Variants in ACP2 observed in about 807,000 individuals in gnomAD.
ACP2 encodes the protein acid phosphatase 2, lysosomal, also known as lysosomal acid phosphatase.
A neutral mutation model predicts 54.7 loss-of-function variants in ACP2; 35 were observed. That is an observed-to-expected ratio of 0.64 (90% confidence interval 0.49 to 0.85). The LOEUF (loss-of-function observed/expected upper bound fraction) is 0.85, where lower values mean the gene tolerates loss of function less well. Ranked by LOEUF, ACP2 falls within the 40% of genes least tolerant of loss-of-function variation. ACP2 has a pLI of 0.00. For missense variants in ACP2, 492 were observed against 565.0 expected (o/e 0.87, Z 1.31); for synonymous variants, 210 against 224.4 (o/e 0.94, Z 0.57).
chr11:47,239,991 C>G lies in ACP2; in HGVS notation c.*125G>C. 1 of 1,016,352 alleles carries G rather than the reference C, an allele frequency of 9.8e-7. No homozygotes were observed. Among genetic ancestry groups the G allele is most frequent in the Non-Finnish European group, 1.4e-6 (1 of 694,906 alleles). 63.0% of individuals were successfully genotyped at this position (1,016,352 alleles called of 1,614,324 possible). A position where few individuals can be genotyped will look rare whatever the true frequency, so the allele number is the denominator to read the frequency against. ...CGCTGAGCCCCACTCGCTCATCTGG[C>G]TGGGGTCATCAGAGGGAGGCCCAAC... On this transcript the variant is annotated 3_prime_UTR_variant, in exon 11 of 11. Coordinates refer to ENST00000672073, the MANE Select transcript of ACP2 (RefSeq NM_001610.4).
chr11:47,242,032 G>C (rs940917058), intron 10 of ACP2, among the ~76,000 whole-genome samples: 3 of 152,200 alleles, frequency 2.0e-5, no homozygotes, highest in African/African-American at 7.2e-5. Flanking sequence ...CTCCAGGGAT[G>C]AGTCCTGGGT....
At chr11:47,247,786 T>C (rs1954240305) in intron 2 of ACP2, 59 bp from the exon 3 acceptor site, 2 of 1,543,642 alleles carry the variant, frequency 1.3e-6, no homozygotes, top group South Asian at 1.1e-5. Context: ...TCAAGCCCCA[T>C]GGGGTTTAGG....
rs547794673 is a variant in ACP2, at chr11:47,243,467, A to G, written c.773-146T>C. ...TTAGTGTCATAGGGACCATGTAAGA[A>G]CTCTGTGGCACCCCTCCTCTCTAAG... is the stretch of plus-strand genomic sequence containing the variant. On this transcript the variant is annotated intron_variant, in intron 7 of 10. Transcript: ENST00000672073. 3.6e-4 allele frequency: 226 copies of G among 629,336 alleles called. 4 individuals are homozygous for G. The South Asian group carries it at 4.4e-3, about 12-fold the overall frequency. The allele number at this position is 629,336 out of a possible 1,614,324, so 39.0% of individuals were successfully genotyped here.
At chr11:47,243,184 A>G (rs938945319) in intron 8 of ACP2, 55 bp downstream of exon 8, 10 of 1,613,466 alleles carry the variant, frequency 6.2e-6, no homozygotes, top group South Asian at 1.1e-5. Flanking sequence ...AACCGAACAG[A>G]GAAGAAATCC....
intron 3 of ACP2, chr11:47,247,287 A>T: frequency 3.2e-6 from 1 of 308,926 alleles, no homozygotes. Context: ...GACAGAGATC[A>T]TATCTGTATG....
At chr11:47,240,786 A>C (rs1591008644) in intron 10 of ACP2, among the ~76,000 whole-genome samples, 1 of 151,134 alleles carries the variant, frequency 6.6e-6, no homozygotes, top group African/African-American at 2.4e-5. Flanking sequence ...ACGCCACTGC[A>C]CTCCAGCCTG....
chr11:47,240,346 C>CA, intron 10 of ACP2, 97 bp from the exon 11 acceptor site: 1 of 673,764 alleles, frequency 1.5e-6, no homozygotes, highest in African/African-American at 1.8e-5. Context: ...GTGGCCAAGA[C>CA]AGAGTCCCTG....
At chr11:47,240,612 G>C (rs1953848529) in intron 10 of ACP2, among the ~76,000 whole-genome samples, 1 of 152,210 alleles carries the variant, frequency 6.6e-6, no homozygotes, top group Non-Finnish European at 1.5e-5. Context: ...CTGAGGTCAA[G>C]AGTTTGAGAC....
Position 47,243,243 on chromosome 11 carries a change from G to A in ACP2, c.851C>T (p.Ser284Phe). 1.9e-6 allele frequency: 3 copies of A among 1,614,248 alleles called. No individual in the cohort carries two copies. The highest frequency in any genetic ancestry group is 2.5e-6 in the Non-Finnish European group (3 of 1,180,040). The change falls in exon 8 of 11, where the codon TCT (serine) becomes TTT (phenylalanine). Residue 284 changes from serine (S) to phenylalanine (F), a missense_variant. Coordinates refer to ENST00000672073, the MANE Select transcript of ACP2 (RefSeq NM_001610.4). ...CTAGGGAGCGCAGGCACTCACCGCA[G>A]AGTAAACCAGCAGCTTGGGGAGCTG... ...TSQLPKLLVYSAHDTTLVALQ... is the reference protein window; with the variant it reads ...TSQLPKLLVYFAHDTTLVALQ...
chr11:47,244,221 G>T (rs1953971153), intron 7 of ACP2, among the ~76,000 whole-genome samples: 1 of 152,076 alleles, frequency 6.6e-6, no homozygotes, highest in Non-Finnish European at 1.5e-5. Flanking sequence ...CTGAGGTCAG[G>T]AGTTCAAGAC....
chr11:47,245,432 G>A, intron 5 of ACP2, 38 bp from the exon 6 acceptor site: 1 of 1,614,204 alleles, frequency 6.2e-7, no homozygotes. Flanking sequence ...CCTGCTCTGG[G>A]GAAAAGACAG....
rs1178096148 is a variant in ACP2, at chr11:47,243,275, G to T, written c.819C>A (p.Thr273=). Residue 273 remains threonine, a synonymous_variant, in exon 8 of 11, where the codon ACC becomes ACA. Coordinates refer to ENST00000672073, the MANE Select transcript of ACP2 (RefSeq NM_001610.4). ...QIRKNLTLMA[T]TSQLPKLLVY... is the part of the protein sequence containing the mutation. ...CCAGCAGCTTGGGGAGCTGGGAGGT[G>T]GTCGCCATTAGGGTCAGGTTCTTCC... is the stretch of plus-strand genomic sequence containing the variant. 1 of 1,614,224 alleles carries T rather than the reference G, an allele frequency of 6.2e-7. No individual in the cohort carries two copies. The highest frequency in any genetic ancestry group is 2.2e-5 in the East Asian group (1 of 44,884).
At chr11:47,243,389 G>A (rs1485236289) in intron 7 of ACP2, 68 bp from the exon 8 acceptor site, 8 of 1,382,890 alleles carry the variant, frequency 5.8e-6, no homozygotes, top group Non-Finnish European at 8.1e-6. Context: ...ACCTATCTGT[G>A]CTCCTTTCAC....
chr11:47,245,182 G>A (rs770561560), intron 6 of ACP2, 123 bp downstream of exon 6: 32 of 1,128,492 alleles, frequency 2.8e-5, no homozygotes, highest in Non-Finnish European at 1.3e-5. Context: ...TGTTTCACAA[G>A]CACAGCCTCC....
intron 10 of ACP2, among the ~76,000 whole-genome samples, chr11:47,240,999 G>A (rs1953861464): frequency 6.6e-6 from 1 of 152,142 alleles, no homozygotes; most frequent in South Asian, 2.1e-4. Flanking sequence ...GGAGACGAAG[G>A]GCAAAAGGCC....
intron 7 of ACP2, among the ~76,000 whole-genome samples, chr11:47,244,204 G>A (rs1210033450): frequency 6.6e-6 from 1 of 150,902 alleles, no homozygotes; most frequent in East Asian, 2.0e-4. Flanking sequence ...CAAGGTGGGT[G>A]GATCACCTGA....
In ACP2 at chr11:47,242,718, C is replaced by T. The variant is rs1012901407; in HGVS notation, c.1138+5G>A. ...TGACTAGCAAGGAGGCCGGTGACAGCTCACCTGTGTCTGCAGGACCGCTTG... is the reference window on the plus strand; with the variant it reads ...TGACTAGCAAGGAGGCCGGTGACAGTTCACCTGTGTCTGCAGGACCGCTTG... On this transcript the variant is annotated splice_donor_5th_base_variant and intron_variant, in intron 10 of 10. Transcript: ENST00000672073. 6.2e-7 allele frequency: 1 copy of T among 1,609,672 alleles called. No homozygotes were observed. Among genetic ancestry groups the T allele is most frequent in the Middle Eastern group, 1.7e-4 (1 of 5,814 alleles).
chr11:47,244,384 A>T (rs1953975250), intron 7 of ACP2, among the ~76,000 whole-genome samples: 1 of 152,142 alleles, frequency 6.6e-6, no homozygotes, highest in South Asian at 2.1e-4. Flanking sequence ...GCATGATGGC[A>T]TGTGCCTGCA....
At position 47,244,876 on chromosome 11, in the gene ACP2, C is replaced by CAGGCAGGTTTGCTGT; in HGVS notation, c.640-10_640-9insACAGCAAACCTGCCT. The CAGGCAGGTTTGCTGT allele has an allele frequency of 6.3e-7, 1 of 1,596,298 alleles. No homozygotes were observed. Among genetic ancestry groups the CAGGCAGGTTTGCTGT allele is most frequent in the Non-Finnish European group, 8.6e-7 (1 of 1,168,806 alleles). The stretch of plus-strand genomic sequence containing the variant: ...CGCAGCCCGTGCGTTTGCTGTGTAT[C>CAGGCAGGTTTGCTGT]GCAGCAGGCAGGTTAGCGCCCCAGG... On this transcript the variant is annotated splice_polypyrimidine_tract_variant and intron_variant, in intron 6 of 10. Coordinates refer to ENST00000672073, the MANE Select transcript of ACP2 (RefSeq NM_001610.4).
Sources: gnomAD v4.1 joint callset for allele counts (sites outside exome capture counted in the v4.1 genomes callset) on GRCh38, gnomAD v4.1.1 for gene constraint, MANE v1.5 for transcripts, NCBI Gene and HGNC (gene_info 2026-07-23, HGNC 2026-07-21) for gene names.